AMD1: variants seen among roughly 807,000 people sequenced by gnomAD.
AMD1 encodes the protein S-adenosylmethionine decarboxylase proenzyme.
Under a neutral mutation model 40.2 loss-of-function variants are expected in AMD1, and 11 were observed. The ratio of observed to expected loss-of-function variants is 0.27; its 90% CI spans 0.17 to 0.45. The LOEUF (loss-of-function observed/expected upper bound fraction) is 0.45. AMD1 is among the 20% of genes least tolerant of loss of function. The probability of loss-of-function intolerance (pLI) is 1.00; values close to 1 mark genes in which losing one functional copy is unlikely to be tolerated. For synonymous variants in AMD1, 121 were observed against 130.8 expected, an observed-to-expected ratio of 0.93 and a Z score of 0.51; for missense variants, 257 against 410.2, an observed-to-expected ratio of 0.63 and a Z score of 3.23.
At chr6:110,847,570 C>T in the AMD1 span, among the ~76,000 whole-genome samples, 1 of 151,862 alleles carries the variant, frequency 6.6e-6, no homozygotes, top group African/African-American at 2.4e-5. Flanking sequence ...TTCCATTTTG[C>T]TCTTAGGCTA....
chr6:110,856,232 G>A, the AMD1 span, among the ~76,000 whole-genome samples: 1 of 152,040 alleles, frequency 6.6e-6, no homozygotes, highest in African/African-American at 2.4e-5. Context: ...TGCATCTGTT[G>A]ACACATCCAG....
the AMD1 span, among the ~76,000 whole-genome samples, chr6:110,850,389 C>T: frequency 2.7e-4 from 41 of 152,158 alleles, no homozygotes; most frequent in African/African-American, 7.7e-4. Context: ...CCTCCCTTGC[C>T]GGTGAAAACA....
the AMD1 span, among the ~76,000 whole-genome samples, chr6:110,843,140 A>T: frequency 6.6e-6 from 1 of 151,324 alleles, no homozygotes; most frequent in East Asian, 1.9e-4. Flanking sequence ...CTCAAAAAAA[A>T]GTCTAAAAAA....
intron 1 of AMD1, among the ~76,000 whole-genome samples, chr6:110,879,522 C>G (rs1785292596): frequency 6.6e-6 from 1 of 152,092 alleles, no homozygotes; most frequent in African/African-American, 2.4e-5. Context: ...AGGGAGGAGG[C>G]TTATTTCTCA....
At chr6:110,834,550 TGG>T in the AMD1 span, among the ~76,000 whole-genome samples, 2 of 152,024 alleles carry the variant, frequency 1.3e-5, no homozygotes, top group African/African-American at 4.8e-5. Flanking sequence ...TCACTGAGTG[TGG>T]GGGCTTATGC....
the AMD1 span, among the ~76,000 whole-genome samples, chr6:110,836,061 A>G: frequency 4.7e-5 from 7 of 150,376 alleles, no homozygotes; most frequent in Non-Finnish European, 1.0e-4. Context: ...CTCGGTTTTC[A>G]TTAAAGATTG....
At chr6:110,834,075 C>T in the AMD1 span, among the ~76,000 whole-genome samples, 2 of 152,090 alleles carry the variant, frequency 1.3e-5, no homozygotes, top group African/African-American at 4.8e-5. Context: ...GGACCACAGG[C>T]GCCAGCCATC....
At chr6:110,868,952 C>G in the AMD1 span, among the ~76,000 whole-genome samples, 1 of 151,082 alleles carries the variant, frequency 6.6e-6, no homozygotes, top group Non-Finnish European at 1.5e-5. Flanking sequence ...CCCAGCTACT[C>G]GGGAGGCTGA....
chr6:110,828,127 A>G, the AMD1 span, among the ~76,000 whole-genome samples: 1 of 152,152 alleles, frequency 6.6e-6, no homozygotes, highest in South Asian at 2.1e-4. Flanking sequence ...GAACTATGGG[A>G]TGATTTTAAA....
chr6:110,872,219 T>TCC (rs1562331759), upstream of AMD1, among the ~76,000 whole-genome samples: 2 of 151,966 alleles, frequency 1.3e-5, no homozygotes, highest in Non-Finnish European at 2.9e-5. Context: ...ACCACACATA[T>TCC]AGACATGTCT....
chr6:110,848,614 C>G, the AMD1 span: 4 of 567,108 alleles, frequency 7.1e-6, no homozygotes, highest in South Asian at 7.2e-5. Context: ...AATAAATCTT[C>G]TTTTGCAACC....
chr6:110,843,057 T>G, the AMD1 span, among the ~76,000 whole-genome samples: 1 of 150,244 alleles, frequency 6.7e-6, no homozygotes, highest in South Asian at 2.1e-4. Flanking sequence ...TGCTTGTACC[T>G]GGGAGGTAGA....
chr6:110,853,058 A>G, the AMD1 span, among the ~76,000 whole-genome samples: 1 of 149,124 alleles, frequency 6.7e-6, no homozygotes, highest in Non-Finnish European at 1.5e-5. Context: ...GTGGTCTGAA[A>G]TTGACTCTGC....
chr6:110,821,369 C>T, the AMD1 span, among the ~76,000 whole-genome samples: 2 of 152,008 alleles, frequency 1.3e-5, no homozygotes, highest in Admixed American at 6.6e-5. Context: ...GAGGCCGAGG[C>T]GGGTGGATCA....
chr6:110,876,025 G>C (rs1295162131), intron 1 of AMD1, among the ~76,000 whole-genome samples: 1 of 152,218 alleles, frequency 6.6e-6, no homozygotes, highest in Non-Finnish European at 1.5e-5. Flanking sequence ...CGGGAGAGGT[G>C]CGGGTGGAGG....
intron 1 of AMD1, among the ~76,000 whole-genome samples, chr6:110,879,403 G>A (rs1043560330): frequency 4.6e-5 from 7 of 152,160 alleles, no homozygotes; most frequent in Admixed American, 6.5e-5. Context: ...TCTTTAAGAA[G>A]CACATGTTGA....
chr6:110,858,864 A>T, the AMD1 span: 1 of 792,580 alleles, frequency 1.3e-6, no homozygotes, highest in African/African-American at 1.7e-5. Flanking sequence ...ATCAGCCTCC[A>T]GATGGGTACA....
the AMD1 span, among the ~76,000 whole-genome samples, chr6:110,860,870 CAGAG>C: frequency 0.045 from 6,437 of 142,620 alleles, 161 homozygotes; most frequent in Middle Eastern, 0.066. Flanking sequence ...CACACACACA[CAGAG>C]AGAGAGAACA....
Position 110,874,975 on chromosome 6 carries a change from C to CAA in AMD1, c.-121_-120dup, listed in dbSNP as rs201633158. Reference sequence around the variant, plus strand: ...AAAAAAAGTTAATATAAAATTATAGCAAAAAAAAAAAGGAACCTGAACTTT... The same window carrying CAA: ...AAAAAAAGTTAATATAAAATTATAGCAAAAAAAAAAAAAGGAACCTGAACTTT... On this transcript the variant is annotated 5_prime_UTR_variant, in exon 1 of 9. Transcript: ENST00000368885. 9.8e-5 allele frequency: 52 copies of CAA among 530,238 alleles called. No individual in the cohort carries two copies. The highest frequency in any genetic ancestry group is 1.4e-4 in the Admixed American group (4 of 28,078). 32.8% of individuals were successfully genotyped at this position (530,238 alleles called of 1,614,324 possible). A position where few individuals can be genotyped will look rare whatever the true frequency, so the allele number is the denominator to read the frequency against.
Sources: allele counts gnomAD v4.1 joint callset (sites outside exome capture counted in the v4.1 genomes callset), GRCh38; gene constraint gnomAD v4.1.1; transcripts MANE v1.5; gene names NCBI Gene and HGNC (gene_info 2026-07-23, HGNC 2026-07-21).